Variants in RIC8B observed in about 807,000 individuals in gnomAD.
RIC8B encodes the protein RIC8 guanine nucleotide exchange factor B.
A neutral mutation model predicts 57.5 loss-of-function variants in RIC8B; 16 were observed. The ratio of observed to expected loss-of-function variants is 0.28; its 90% CI spans 0.19 to 0.42. The LOEUF is 0.42. Ranked by LOEUF, RIC8B falls within the 10% of genes least tolerant of loss-of-function variation. The probability of loss-of-function intolerance (pLI) is 1.00; values close to 1 mark genes in which losing one functional copy is unlikely to be tolerated. For synonymous variants in RIC8B, 216 were observed against 250.8 expected (o/e 0.86, Z 1.31); for missense variants, 481 against 677.0 (o/e 0.71, Z 3.21).
intron 2 of RIC8B, among the ~76,000 whole-genome samples, chr12:106,800,802 G>A (rs10861666): frequency 0.091 from 13,850 of 152,148 alleles, 769 homozygotes; most frequent in South Asian, 0.16. Flanking sequence ...ATTCCAAAGA[G>A]ATTGTATATA....
chr12:106,835,251 A>G (rs1359709958), intron 4 of RIC8B, among the ~76,000 whole-genome samples: 1 of 152,004 alleles, frequency 6.6e-6, no homozygotes, highest in East Asian at 1.9e-4. Flanking sequence ...TCCCCACCCC[A>G]TTTCATACAT....
chr12:106,860,868 T>C (rs907223193), intron 8 of RIC8B, among the ~76,000 whole-genome samples: 1 of 152,086 alleles, frequency 6.6e-6, no homozygotes, highest in Non-Finnish European at 1.5e-5. Context: ...ACAAGACACA[T>C]TAATATCAAA....
intron 3 of RIC8B, 32 bp from the exon 4 acceptor site, chr12:106,825,694 C>G: frequency 6.4e-7 from 1 of 1,553,608 alleles, no homozygotes; most frequent in Non-Finnish European, 8.9e-7. Flanking sequence ...CATTCAACCC[C>G]CAATGTTTCC....
At chr12:106,809,220 C>T (rs998363948) in intron 2 of RIC8B, among the ~76,000 whole-genome samples, 2 of 152,082 alleles carry the variant, frequency 1.3e-5, no homozygotes, top group Non-Finnish European at 1.5e-5. Flanking sequence ...AATCATTTAA[C>T]GTTTTAAGAA....
At chr12:106,869,836 G>A (rs1388435500) in intron 8 of RIC8B, among the ~76,000 whole-genome samples, 1 of 152,200 alleles carries the variant, frequency 6.6e-6, no homozygotes, top group Non-Finnish European at 1.5e-5. Flanking sequence ...CCACCCTGGA[G>A]GTTGAGGCAG....
At chr12:106,819,490 G>A (rs1053832781) in intron 3 of RIC8B, among the ~76,000 whole-genome samples, 2 of 152,070 alleles carry the variant, frequency 1.3e-5, no homozygotes, top group Admixed American at 1.3e-4. Context: ...GGTGGCTCAC[G>A]CCTGTAATGC....
intron 2 of RIC8B, among the ~76,000 whole-genome samples, chr12:106,798,681 C>A (rs1424400792): frequency 6.6e-6 from 1 of 151,846 alleles, no homozygotes; most frequent in East Asian, 1.9e-4. Flanking sequence ...ATCTGCTTTG[C>A]TTGTCCTAGT....
intron 2 of RIC8B, among the ~76,000 whole-genome samples, chr12:106,788,459 C>T (rs2044131951): frequency 6.6e-6 from 1 of 152,226 alleles, no homozygotes; most frequent in South Asian, 2.1e-4. Flanking sequence ...GCCACATTTC[C>T]CTTCTGCACT....
At chr12:106,861,887 G>A (rs1949953582) in intron 8 of RIC8B, among the ~76,000 whole-genome samples, 1 of 152,086 alleles carries the variant, frequency 6.6e-6, no homozygotes, top group Non-Finnish European at 1.5e-5. Context: ...AAACTCATGA[G>A]TACTCATACA....
chr12:106,788,420 C>G (rs879316010), intron 2 of RIC8B, among the ~76,000 whole-genome samples: 3 of 152,198 alleles, frequency 2.0e-5, no homozygotes, highest in Admixed American at 2.0e-4. Context: ...GGCGGTGCCC[C>G]AGTAGGGACT....
At chr12:106,850,832 C>T (rs1949439121) in intron 6 of RIC8B, among the ~76,000 whole-genome samples, 1 of 151,930 alleles carries the variant, frequency 6.6e-6, no homozygotes, top group Admixed American at 6.6e-5. Context: ...AGAATGCTCC[C>T]AAATCTGCAA....
chr12:106,812,865 G>A (rs1289821553), intron 2 of RIC8B, among the ~76,000 whole-genome samples: 1 of 152,138 alleles, frequency 6.6e-6, no homozygotes, highest in African/African-American at 2.4e-5. Context: ...TATCAGGTAT[G>A]GCAGGGATAG....
intron 1 of RIC8B, chr12:106,775,471 A>G (rs1427018891): frequency 4.8e-6 from 2 of 415,784 alleles, no homozygotes; most frequent in Non-Finnish European, 9.7e-6. Context: ...TGTTATTTGT[A>G]TCGCATTAAC....
intron 6 of RIC8B, among the ~76,000 whole-genome samples, chr12:106,846,554 A>G (rs1379608645): frequency 6.6e-6 from 1 of 152,182 alleles, no homozygotes; most frequent in Non-Finnish European, 1.5e-5. Context: ...TAATTAATTA[A>G]TTAAGGTCAT....
At chr12:106,880,785 C>T (rs1273403702) in intron 9 of RIC8B, among the ~76,000 whole-genome samples, 1 of 152,034 alleles carries the variant, frequency 6.6e-6, no homozygotes, top group African/African-American at 2.4e-5. Flanking sequence ...ACTGGCAAAT[C>T]ACAGCCTGAG....
At chr12:106,791,579 C>T (rs1414043027) in intron 2 of RIC8B, among the ~76,000 whole-genome samples, 1 of 152,140 alleles carries the variant, frequency 6.6e-6, no homozygotes, top group East Asian at 1.9e-4. Context: ...TTCATTCTGC[C>T]ATTTCAAATA....
At chr12:106,851,638 G>A in intron 7 of RIC8B, 44 bp downstream of exon 7, 1 of 1,555,424 alleles carries the variant, frequency 6.4e-7, no homozygotes. Context: ...CTTTCAGAGG[G>A]ACTTTGAGAA....
intron 2 of RIC8B, among the ~76,000 whole-genome samples, chr12:106,785,785 GTCTCTC>G (rs370138594): frequency 2.0e-4 from 21 of 104,622 alleles, no homozygotes; most frequent in Admixed American, 6.9e-4. Flanking sequence ...TGTATTCTAT[GTCTCTC>G]TCTCTCTCTC....
chr12:106,866,965 C>T (rs756274273), intron 8 of RIC8B, among the ~76,000 whole-genome samples: 2 of 152,200 alleles, frequency 1.3e-5, no homozygotes, highest in Admixed American at 6.5e-5. Flanking sequence ...ATCCTATTCA[C>T]TTATGTTACC....
Sources: gnomAD v4.1 joint callset for allele counts (sites outside exome capture counted in the v4.1 genomes callset) on GRCh38, gnomAD v4.1.1 for gene constraint, MANE v1.5 for transcripts, NCBI Gene and HGNC (gene_info 2026-07-23, HGNC 2026-07-21) for gene names.